The following ASTN1 variants were observed in gnomAD, a reference collection of about 807,000 sequenced individuals.
The protein encoded by ASTN1 is astrotactin-1.
ASTN1 carries 41 observed loss-of-function variants against 140.7 expected under a neutral mutation model. The observed-to-expected ratio is 0.29, with a 90% CI of 0.23 to 0.38. ASTN1 has a LOEUF of 0.38. Ranked by LOEUF, ASTN1 falls within the 10% of genes least tolerant of loss-of-function variation. The pLI is 1.00. For missense variants in ASTN1, 1,479 were observed against 1,678.8 expected (o/e 0.88, Z 2.08); for synonymous variants, 640 against 652.2 (o/e 0.98, Z 0.29).
intron 1 of ASTN1, among the ~76,000 whole-genome samples, chr1:177,162,885 T>A (rs971136299): frequency 6.6e-6 from 1 of 152,236 alleles, no homozygotes; most frequent in African/African-American, 2.4e-5. Context: ...GTTTTTATTA[T>A]GTTATTGGTA....
chr1:177,128,001 T>G (rs918243702), intron 1 of ASTN1, among the ~76,000 whole-genome samples: 4 of 143,168 alleles, frequency 2.8e-5, no homozygotes, highest in African/African-American at 9.8e-5. Context: ...TCTAATAAAA[T>G]AAAACAGTAA....
In ASTN1 at chr1:177,149,122, AATATATATAGTGC is replaced by A. The variant is rs1189641381; in HGVS notation, c.283+15259_283+15271del. Among the ~76,000 whole-genome samples, 20 of 103,628 alleles carry A rather than the reference AATATATATAGTGC, an allele frequency of 1.9e-4. 1 individual carries two copies. The East Asian group carries it at 2.5e-3, about 13-fold the overall frequency. The allele number at this position is 103,628 out of a possible 152,430, so 68.0% of individuals were successfully genotyped here. The stretch of plus-strand genomic sequence containing the variant: ...AAATATATATAGTGTATATATAGTA[AATATATATAGTGC>A]ATATATATAGTGCATATATATAGTG... On this transcript the variant is annotated intron_variant, in intron 1 of 22. Transcript: ENST00000361833.
rs3979529 is a variant in ASTN1, at chr1:177,002,376, A to AAC, written c.1523+12413_1523+12414dup. On this transcript the variant is annotated intron_variant, in intron 8 of 22. Transcript: ENST00000361833. ...AATAATAAAATGTGCCTTACACACA[A>AAC]ACACACACACACACACACACACACA... Among the ~76,000 whole-genome samples, 362 of 148,674 alleles carry AAC rather than the reference A, an allele frequency of 2.4e-3. 3 individuals carry two copies. The highest frequency in any genetic ancestry group is 0.018 in the South Asian group (82 of 4,638).
At position 177,023,390 on chromosome 1, in the gene ASTN1, G is replaced by A. The variant is rs749362298; in HGVS notation, c.1438+14C>T. The A allele has an allele frequency of 4.5e-6, 7 of 1,572,322 alleles. No homozygotes were observed. The East Asian group carries it at 1.6e-4, about 37-fold the overall frequency. On this transcript the variant is annotated intron_variant, in intron 7 of 22. Transcript: ENST00000361833. ...CTCTCTGACAGTTACCCGCTGCCCGGTGCTCCCGCCTACCAGTTTCGGGGT... is the reference window on the plus strand; with the variant it reads ...CTCTCTGACAGTTACCCGCTGCCCGATGCTCCCGCCTACCAGTTTCGGGGT...
chr1:176,873,265 T>G (rs1668423913), intron 21 of ASTN1, among the ~76,000 whole-genome samples: 1 of 152,058 alleles, frequency 6.6e-6, no homozygotes, highest in South Asian at 2.1e-4. Context: ...TGAAGCTTCA[T>G]GAAGAACTCT....
At chr1:176,944,663 T>C (rs1490569400) in intron 13 of ASTN1, among the ~76,000 whole-genome samples, 1 of 152,042 alleles carries the variant, frequency 6.6e-6, no homozygotes. Flanking sequence ...ATTGGTGGGG[T>C]GAGGGCTGCG....
intron 1 of ASTN1, among the ~76,000 whole-genome samples, chr1:177,127,046 A>T (rs1271178739): frequency 1.3e-5 from 2 of 152,212 alleles, no homozygotes; most frequent in African/African-American, 4.8e-5. Flanking sequence ...AATAAGCATA[A>T]AAGGCTTTTA....
At chr1:176,949,440 T>C in intron 11 of ASTN1, 89 bp from the exon 12 acceptor site, 3 of 1,370,700 alleles carry the variant, frequency 2.2e-6, no homozygotes, top group Non-Finnish European at 3.0e-6. Flanking sequence ...CACCAATTTG[T>C]AGCACTCAGC....
intron 2 of ASTN1, among the ~76,000 whole-genome samples, chr1:177,060,045 C>T (rs1260896256): frequency 2.6e-5 from 4 of 152,198 alleles, no homozygotes; most frequent in Non-Finnish European, 5.9e-5. Context: ...GAAATTCATT[C>T]ACTTATTCCA....
At chr1:176,875,047 A>G (rs1049618368) in intron 21 of ASTN1, among the ~76,000 whole-genome samples, 1 of 152,200 alleles carries the variant, frequency 6.6e-6, no homozygotes, top group Non-Finnish European at 1.5e-5. Flanking sequence ...TATCATTATA[A>G]TAATAAATAT....
chr1:176,976,550 T>C (rs1171296570), intron 8 of ASTN1: 2 of 152,288 alleles, frequency 1.3e-5, no homozygotes, highest in Admixed American at 1.3e-4. Context: ...TGAAGTCAGA[T>C]AGATCTCCAT....
intron 16 of ASTN1, among the ~76,000 whole-genome samples, chr1:176,909,299 T>C (rs2103057452): frequency 6.6e-6 from 1 of 152,344 alleles, no homozygotes; most frequent in East Asian, 1.9e-4. Context: ...ATGTAAAGTT[T>C]TGATGCATGA....
intron 1 of ASTN1, among the ~76,000 whole-genome samples, chr1:177,159,842 T>C (rs1219800438): frequency 6.6e-6 from 1 of 152,350 alleles, no homozygotes; most frequent in East Asian, 1.9e-4. Flanking sequence ...GTGAGTCCCA[T>C]ACATGTCACC....
chr1:176,898,520 G>A (rs1358279723), intron 16 of ASTN1, among the ~76,000 whole-genome samples: 1 of 152,212 alleles, frequency 6.6e-6, no homozygotes, highest in Non-Finnish European at 1.5e-5. Flanking sequence ...TCTTTAAAAT[G>A]ATGGAGTCCA....
intron 14 of ASTN1, among the ~76,000 whole-genome samples, chr1:176,942,662 G>A (rs1571544197): frequency 1.3e-5 from 2 of 150,930 alleles, no homozygotes; most frequent in East Asian, 3.9e-4. Context: ...ATATCTGATT[G>A]CCTCCTTTGG....
At chr1:177,122,039 G>A (rs1681414005) in intron 1 of ASTN1, among the ~76,000 whole-genome samples, 1 of 152,166 alleles carries the variant, frequency 6.6e-6, no homozygotes, top group Non-Finnish European at 1.5e-5. Flanking sequence ...CTGAGAGAAG[G>A]AAGTGCTGCC....
chr1:176,940,858 G>A lies in ASTN1; in HGVS notation c.2377+3033C>T, dbSNP rs115584607. 7.9e-3 allele frequency among the ~76,000 whole-genome samples: 1,199 copies of A among 152,252 alleles called. 14 individuals carry two copies. Among genetic ancestry groups the A allele is most frequent in the African/African-American group, 0.027 (1,136 of 41,536 alleles). On this transcript the variant is annotated intron_variant, in intron 14 of 22. Coordinates refer to ENST00000361833, the MANE Select transcript of ASTN1 (RefSeq NM_004319.3). ...AATGATTCTCTAGTTAAATAGACTC[G>A]GGAATTGCTGGCTTAAAGTGAAAAG...
At chr1:177,108,997 C>T (rs1037499026) in intron 1 of ASTN1, among the ~76,000 whole-genome samples, 17 of 150,622 alleles carry the variant, frequency 1.1e-4, no homozygotes, top group African/African-American at 1.7e-4. Context: ...TGGAAAAGCA[C>T]GCAAAAAAAG....
intron 16 of ASTN1, among the ~76,000 whole-genome samples, chr1:176,913,503 A>C (rs956207250): frequency 2.0e-5 from 3 of 151,880 alleles, no homozygotes; most frequent in Non-Finnish European, 4.4e-5. Context: ...TGATAATAGT[A>C]ATAATAACAG....
Sources: allele counts gnomAD v4.1 joint callset (sites outside exome capture counted in the v4.1 genomes callset), GRCh38; gene constraint gnomAD v4.1.1; transcripts MANE v1.5; gene names NCBI Gene and HGNC (gene_info 2026-07-23, HGNC 2026-07-21).